Variants in SHISA9 observed in about 807,000 individuals in gnomAD.
SHISA9 encodes protein shisa-9.
Under a neutral mutation model 38.0 loss-of-function variants are expected in SHISA9, and 13 were observed. The observed-to-expected ratio is 0.34, with a 90% CI of 0.22 to 0.54. SHISA9 has a LOEUF of 0.54. Among genes scored for constraint, SHISA9 ranks in the 20% least tolerant of loss-of-function variants. The pLI, the probability that SHISA9 is intolerant of heterozygous loss-of-function variation, is 0.91. For synonymous variants in SHISA9, 275 were observed against 242.0 expected (o/e 1.14, Z -1.27); for missense variants, 538 against 575.8 (o/e 0.93, Z 0.67).
At chr16:13,432,687 T>C in the SHISA9 span, among the ~76,000 whole-genome samples, 1 of 152,166 alleles carries the variant, frequency 6.6e-6, no homozygotes, top group Non-Finnish European at 1.5e-5. Flanking sequence ...TATAAGTGAT[T>C]ATAATATAAT....
intron 2 of SHISA9, among the ~76,000 whole-genome samples, chr16:13,106,571 G>A (rs759649853): frequency 2.6e-5 from 4 of 152,154 alleles, no homozygotes; most frequent in South Asian, 4.1e-4. Context: ...ATTTTCAACC[G>A]AGGCAGTTTA....
At chr16:12,928,041 A>G (rs1307152706) in intron 2 of SHISA9, among the ~76,000 whole-genome samples, 1 of 152,258 alleles carries the variant, frequency 6.6e-6, no homozygotes, top group Non-Finnish European at 1.5e-5. Context: ...CTTTCATTTC[A>G]CAAAAGATAA....
the SHISA9 span, among the ~76,000 whole-genome samples, chr16:13,374,717 A>T: frequency 2.0e-5 from 3 of 152,124 alleles, no homozygotes; most frequent in Admixed American, 1.3e-4. Context: ...TATTTCTAGT[A>T]CTAGATCCTT....
At chr16:13,038,973 A>C (rs2073104176) in intron 2 of SHISA9, among the ~76,000 whole-genome samples, 1 of 152,116 alleles carries the variant, frequency 6.6e-6, no homozygotes, top group African/African-American at 2.4e-5. Flanking sequence ...CAGTGGTGAA[A>C]TCTCTGCTCA....
rs372774394 is a variant in SHISA9, at chr16:13,018,915, A to C, written c.691+102100A>C. ...GGAAAGCCTTGACCTACAAAGTGCAAACTCCTCAGCCCATGCATTACTTTG... is the reference window on the plus strand; with the variant it reads ...GGAAAGCCTTGACCTACAAAGTGCACACTCCTCAGCCCATGCATTACTTTG... On this transcript the variant is annotated intron_variant, in intron 2 of 4. Coordinates refer to ENST00000558583, the MANE Select transcript of SHISA9 (RefSeq NM_001145204.3). Among the ~76,000 whole-genome samples the C allele has an allele frequency of 3.7e-4, 56 of 152,372 alleles. No homozygotes were observed. In the South Asian group the frequency reaches 4.1e-3, roughly 11 times the overall value.
chr16:13,556,355 GT>G, the SHISA9 span, among the ~76,000 whole-genome samples: 1 of 152,178 alleles, frequency 6.6e-6, no homozygotes, highest in Non-Finnish European at 1.5e-5. Flanking sequence ...TGACTCCAGA[GT>G]TCCATGCCTT....
the SHISA9 span, among the ~76,000 whole-genome samples, chr16:13,505,088 T>G: frequency 6.6e-6 from 1 of 152,342 alleles, no homozygotes; most frequent in South Asian, 2.1e-4. Context: ...TCTTTCTGCT[T>G]TCTTGTTTGT....
At chr16:13,305,976 A>G in the SHISA9 span, among the ~76,000 whole-genome samples, 21 of 152,380 alleles carry the variant, frequency 1.4e-4, no homozygotes, top group African/African-American at 4.3e-4. Flanking sequence ...CCTGCCCTCC[A>G]GAAGCTCATG....
At position 13,048,466 on chromosome 16, in the gene SHISA9, G is replaced by A. The variant is rs946651665; in HGVS notation, c.691+131651G>A. ...AGACGGAGTCTAGCTTTGTCACCCA[G>A]GCTGGGGTGCAATGGCATGATCTCT... On this transcript the variant is annotated intron_variant, in intron 2 of 4. Coordinates refer to ENST00000558583, the MANE Select transcript of SHISA9 (RefSeq NM_001145204.3). 3.9e-5 allele frequency among the ~76,000 whole-genome samples: 6 copies of A among 152,100 alleles called. No homozygotes were observed. The South Asian group carries it at 1.2e-3, about 32-fold the overall frequency.
chr16:13,465,336 C>T, the SHISA9 span, among the ~76,000 whole-genome samples: 2 of 152,186 alleles, frequency 1.3e-5, no homozygotes, highest in African/African-American at 4.8e-5. Context: ...GAAATCATCC[C>T]TCAAATGAAG....
At chr16:13,419,377 ATGAAATCTCAAAAC>A in the SHISA9 span, among the ~76,000 whole-genome samples, 3 of 152,232 alleles carry the variant, frequency 2.0e-5, no homozygotes, top group South Asian at 6.2e-4. Flanking sequence ...TAGGCAGACA[ATGAAATCTCAAAAC>A]TAGAAATATT....
At chr16:12,916,887 G>A (rs375392083) in intron 2 of SHISA9, 72 bp downstream of exon 2, 6 of 1,500,948 alleles carry the variant, frequency 4.0e-6, no homozygotes, top group East Asian at 2.5e-5. Context: ...GCCAGATTTC[G>A]TGGAGTGTGC....
At chr16:13,173,377 TACACACACACACAC>T (rs34832916) in intron 2 of SHISA9, among the ~76,000 whole-genome samples, 17 of 142,950 alleles carry the variant, frequency 1.2e-4, no homozygotes, top group Non-Finnish European at 1.5e-4. Flanking sequence ...TGTGTGCATG[TACACACACACACAC>T]ACACACACAC....
At chr16:13,516,831 G>A in the SHISA9 span, among the ~76,000 whole-genome samples, 2 of 151,178 alleles carry the variant, frequency 1.3e-5, no homozygotes, top group African/African-American at 4.9e-5. Context: ...AGGAGAGAAA[G>A]TCATAACTGA....
In SHISA9 at chr16:13,236,437, G is replaced by A. The variant is rs942528139; in HGVS notation, c.*1028G>A. 2.0e-5 allele frequency: 3 copies of A among 152,014 alleles called. No individual in the cohort carries two copies. The highest frequency in any genetic ancestry group is 7.2e-5 in the African/African-American group (3 of 41,384). The allele number at this position is 152,014 out of a possible 1,614,324, so 9.4% of individuals were successfully genotyped here. A position where few individuals can be genotyped will look rare whatever the true frequency, so the allele number is the denominator to read the frequency against. On this transcript the variant is annotated 3_prime_UTR_variant, in exon 5 of 5. Transcript: ENST00000558583. The stretch of plus-strand genomic sequence containing the variant: ...GGTTTTGCCTCCAAGACCTGAAACA[G>A]CCACAGAAACAAGTCCTCTATAAAC...
At chr16:13,192,963 A>AG (rs1489496526) in intron 2 of SHISA9, among the ~76,000 whole-genome samples, 12 of 110,250 alleles carry the variant, frequency 1.1e-4, no homozygotes, top group African/African-American at 5.9e-4. Context: ...GAGGAGGAGG[A>AG]AAAGAAGAAG....
At chr16:13,119,148 T>G (rs2141975770) in intron 2 of SHISA9, among the ~76,000 whole-genome samples, 1 of 152,288 alleles carries the variant, frequency 6.6e-6, no homozygotes, top group South Asian at 2.1e-4. Context: ...ATTACAGGCG[T>G]GAGCCACCGC....
the SHISA9 span, among the ~76,000 whole-genome samples, chr16:13,398,758 C>T: frequency 0.012 from 1,850 of 152,186 alleles, 46 homozygotes; most frequent in African/African-American, 0.043. Context: ...GTGATCCACA[C>T]GCCTTTGCCT....
At chr16:13,367,382 C>T in the SHISA9 span, among the ~76,000 whole-genome samples, 8 of 149,860 alleles carry the variant, frequency 5.3e-5, no homozygotes, top group East Asian at 1.6e-3. Context: ...TAAGCTCTTA[C>T]CCTGTATCAG....
Sources: gnomAD v4.1 joint callset for allele counts (sites outside exome capture counted in the v4.1 genomes callset) on GRCh38, gnomAD v4.1.1 for gene constraint, MANE v1.5 for transcripts, NCBI Gene and HGNC (gene_info 2026-07-23, HGNC 2026-07-21) for gene names.